The following IL13RA1 variants were observed in gnomAD, a reference collection of about 807,000 sequenced individuals.
IL13RA1 encodes interleukin 13 receptor subunit alpha 1, also known as interleukin-13 receptor subunit alpha-1.
IL13RA1 carries 14 observed loss-of-function variants against 33.8 expected under a neutral mutation model. That is an observed-to-expected ratio of 0.41 (90% CI 0.27 to 0.65). IL13RA1 has a LOEUF of 0.65. Ranked by LOEUF, IL13RA1 falls within the 30% of genes least tolerant of loss-of-function variation. IL13RA1 has a pLI of 0.28. For missense variants in IL13RA1, 313 were observed against 327.0 expected, an observed-to-expected ratio of 0.96 and a Z score of 0.33; for synonymous variants, 116 against 115.7, an observed-to-expected ratio of 1.00 and a Z score of -0.02.
intron 4 of IL13RA1, 83 bp from the exon 5 acceptor site, chrX:118,757,972 T>C (rs2147380794): frequency 3.5e-6 from 2 of 576,630 alleles, no homozygotes; most frequent in East Asian, 6.7e-5. Context: ...ATTACAGGTG[T>C]GAGCCACCGC....
chrX:118,775,323 G>C (rs1327758458), intron 9 of IL13RA1, among the ~76,000 whole-genome samples: 1 of 111,123 alleles, frequency 9.0e-6, no homozygotes, highest in African/African-American at 3.3e-5. Flanking sequence ...GACAGAGGTT[G>C]GCCAACCACA....
intron 10 of IL13RA1, among the ~76,000 whole-genome samples, chrX:118,786,334 T>C (rs969002844): frequency 2.8e-5 from 3 of 108,825 alleles, no homozygotes; most frequent in African/African-American, 1.0e-4. Flanking sequence ...GAAGTTGCAG[T>C]GAGCCAAGAT....
At chrX:118,788,304 C>G (rs977993386) in intron 10 of IL13RA1, among the ~76,000 whole-genome samples, 1 of 111,980 alleles carries the variant, frequency 8.9e-6, no homozygotes, top group Non-Finnish European at 1.9e-5. Context: ...CCATCTTCTT[C>G]GCAGAATTTT....
chrX:118,745,821 CTCTG>C (rs1234319811), intron 2 of IL13RA1, among the ~76,000 whole-genome samples: 1 of 110,688 alleles, frequency 9.0e-6, no homozygotes, highest in Non-Finnish European at 1.9e-5. Context: ...ATTATTCCAA[CTCTG>C]TCAGTTTGGG....
In IL13RA1 at chrX:118,792,923, A is replaced by ATTTACTTGAGTCTTTGG. The variant is rs1198193035; in HGVS notation, c.*1075_*1076insTGAGTCTTTGGTTTACT. The ATTTACTTGAGTCTTTGG allele has an allele frequency of 8.9e-6, 1 of 111,888 alleles. No individual in the cohort carries two copies. Among genetic ancestry groups the ATTTACTTGAGTCTTTGG allele is most frequent in the African/African-American group, 3.3e-5 (1 of 30,729 alleles). The allele number at this position is 111,888 out of a possible 1,213,427, so 9.2% of individuals were successfully genotyped here. ...TCTTCACCTCTGCTACTCAAGTAGCATTTACTGTGTCTTTGGTTTGTGCTA... is the reference window on the plus strand; with the variant it reads ...TCTTCACCTCTGCTACTCAAGTAGCATTTACTTGAGTCTTTGGTTTACTGTGTCTTTGGTTTGTGCTA... On this transcript the variant is annotated 3_prime_UTR_variant, in exon 11 of 11. Transcript: ENST00000371666.
intron 8 of IL13RA1, 33 bp downstream of exon 8, chrX:118,767,009 A>G: frequency 1.2e-6 from 1 of 856,010 alleles, no homozygotes; most frequent in East Asian, 3.3e-5. Context: ...AAAATTTAAA[A>G]CACTGATGTA....
chrX:118,747,943 G>A (rs1213265989), intron 3 of IL13RA1, among the ~76,000 whole-genome samples: 5 of 106,458 alleles, frequency 4.7e-5, no homozygotes, highest in Non-Finnish European at 9.6e-5. Context: ...AGAATTATTG[G>A]GATGATTACG....
At chrX:118,775,489 G>A (rs767348559) in intron 9 of IL13RA1, among the ~76,000 whole-genome samples, 1 of 111,968 alleles carries the variant, frequency 8.9e-6, no homozygotes, top group African/African-American at 3.2e-5. Flanking sequence ...AGTGGAAGCC[G>A]ATGGAGTAGT....
intron 8 of IL13RA1, chrX:118,770,110 T>C (rs2248857): frequency 0.26 from 66,651 of 259,725 alleles, 7,235 homozygotes; most frequent in African/African-American, 0.48. Context: ...TCCAGGGCCC[T>C]GTGTACCCCT....
At chrX:118,773,403 A>G (rs2017746643) in intron 8 of IL13RA1, among the ~76,000 whole-genome samples, 1 of 111,874 alleles carries the variant, frequency 8.9e-6, no homozygotes, top group African/African-American at 3.3e-5. Flanking sequence ...AGGCAGGAGA[A>G]TCTCTTGAAA....
chrX:118,737,128 C>T (rs1358209256), intron 1 of IL13RA1, among the ~76,000 whole-genome samples: 1 of 112,394 alleles, frequency 8.9e-6, no homozygotes, highest in African/African-American at 3.2e-5. Flanking sequence ...TGATCAGAAG[C>T]AGCAATCAGT....
At chrX:118,750,742 C>T (rs2495619) in intron 4 of IL13RA1, among the ~76,000 whole-genome samples, 24,578 of 109,536 alleles carry the variant, frequency 0.22, 2,236 homozygotes, top group East Asian at 0.41. Context: ...ACTAGCAATG[C>T]ATGAGTTATT....
intron 3 of IL13RA1, among the ~76,000 whole-genome samples, chrX:118,747,814 T>C (rs946657555): frequency 9.1e-6 from 1 of 110,386 alleles, no homozygotes; most frequent in African/African-American, 3.3e-5. Flanking sequence ...ACCAACTGTC[T>C]AACTTTAAAT....
intron 1 of IL13RA1, among the ~76,000 whole-genome samples, chrX:118,740,582 C>T (rs2017331593): frequency 9.0e-6 from 1 of 111,688 alleles, no homozygotes; most frequent in Non-Finnish European, 1.9e-5. Flanking sequence ...CACTTGAGCT[C>T]AGGAGTTCGA....
chrX:118,729,938 C>A (rs2017197639), intron 1 of IL13RA1, among the ~76,000 whole-genome samples: 1 of 112,127 alleles, frequency 8.9e-6, no homozygotes, highest in Non-Finnish European at 1.9e-5. Flanking sequence ...TAGCTGGACA[C>A]CTCCCAGGGT....
At chrX:118,741,699 A>T (rs192844522) in intron 2 of IL13RA1, among the ~76,000 whole-genome samples, 82 of 112,063 alleles carry the variant, frequency 7.3e-4, no homozygotes, top group African/African-American at 2.6e-3. Flanking sequence ...ATATAAGTGA[A>T]TTTTTGTTAA....
At chrX:118,780,223 T>C (rs921389465) in intron 10 of IL13RA1, among the ~76,000 whole-genome samples, 1 of 112,918 alleles carries the variant, frequency 8.9e-6, no homozygotes, top group African/African-American at 3.2e-5. Context: ...TTGAACTGCA[T>C]ATGCTGCATA....
At chrX:118,800,760 A>G in the IL13RA1 span, among the ~76,000 whole-genome samples, 1 of 110,970 alleles carries the variant, frequency 9.0e-6, no homozygotes, top group Non-Finnish European at 1.9e-5. Flanking sequence ...ACATACCACC[A>G]TGCCCAGCTA....
chrX:118,801,158 G>A, the IL13RA1 span, among the ~76,000 whole-genome samples: 1 of 112,514 alleles, frequency 8.9e-6, no homozygotes, highest in African/African-American at 3.2e-5. Flanking sequence ...TTTTTACTAG[G>A]TGAAGAATTA....
Sources: gnomAD v4.1 joint callset for allele counts (sites outside exome capture counted in the v4.1 genomes callset) on GRCh38, gnomAD v4.1.1 for gene constraint, MANE v1.5 for transcripts, NCBI Gene and HGNC (gene_info 2026-07-23, HGNC 2026-07-21) for gene names.